ELAVL2: variants seen among roughly 807,000 people sequenced by gnomAD.
ELAVL2 encodes ELAV-like protein 2.
A neutral mutation model predicts 34.6 loss-of-function variants in ELAVL2; 4 were observed. That is an observed-to-expected ratio of 0.12 (90% confidence interval 0.06 to 0.26). The LOEUF is 0.26. Ranked by LOEUF, ELAVL2 falls within the 10% of genes least tolerant of loss-of-function variation. The probability of loss-of-function intolerance (pLI) is 1.00; values close to 1 mark genes in which losing one functional copy is unlikely to be tolerated. For synonymous variants in ELAVL2, 193 were observed against 154.8 expected, an observed-to-expected ratio of 1.25 and a Z score of -1.83; for missense variants, 432 against 442.8, an observed-to-expected ratio of 0.98 and a Z score of 0.22.
At chr9:23,774,098 C>G (rs938878010) in intron 1 of ELAVL2, among the ~76,000 whole-genome samples, 3 of 150,882 alleles carry the variant, frequency 2.0e-5, no homozygotes, top group Non-Finnish European at 4.4e-5. Context: ...GTAGTCCCAG[C>G]TACACGGGAG....
At chr9:23,749,273 A>C (rs535313802) in intron 2 of ELAVL2, among the ~76,000 whole-genome samples, 1 of 152,292 alleles carries the variant, frequency 6.6e-6, no homozygotes, top group East Asian at 1.9e-4. Context: ...ATCCAGGATT[A>C]GTTAACTAGT....
At chr9:23,804,228 C>A (rs1461557851) in intron 1 of ELAVL2, among the ~76,000 whole-genome samples, 4 of 150,766 alleles carry the variant, frequency 2.7e-5, no homozygotes, top group Non-Finnish European at 5.9e-5. Context: ...GGCAGGAGTG[C>A]AATGGCATGA....
the ELAVL2 span, among the ~76,000 whole-genome samples, chr9:23,834,120 A>G: frequency 6.6e-6 from 1 of 152,008 alleles, no homozygotes; most frequent in African/African-American, 2.4e-5. Context: ...ATCAGATTAT[A>G]TTTTACGAAA....
intron 3 of ELAVL2, among the ~76,000 whole-genome samples, chr9:23,724,795 G>A (rs2044651514): frequency 6.6e-6 from 1 of 152,054 alleles, no homozygotes; most frequent in Non-Finnish European, 1.5e-5. Flanking sequence ...TACTCGGTCA[G>A]TCTGTATTTT....
chr9:23,786,781 CAAAAAAAAAA>C (rs57292061), intron 1 of ELAVL2, among the ~76,000 whole-genome samples: 4 of 108,142 alleles, frequency 3.7e-5, no homozygotes, highest in Non-Finnish European at 5.7e-5. Flanking sequence ...ATTTTAGTGG[CAAAAAAAAAA>C]AAAAAAAAAA....
At chr9:23,810,087 C>T (rs1554763893) in intron 1 of ELAVL2, among the ~76,000 whole-genome samples, 1 of 152,054 alleles carries the variant, frequency 6.6e-6, no homozygotes, top group Non-Finnish European at 1.5e-5. Context: ...TTATCTACTA[C>T]AATGAGCCAG....
chr9:23,787,806 A>G (rs1167751977), intron 1 of ELAVL2, among the ~76,000 whole-genome samples: 1 of 152,176 alleles, frequency 6.6e-6, no homozygotes, highest in Non-Finnish European at 1.5e-5. Flanking sequence ...CCACTGTAAA[A>G]GACTTTTGTA....
chr9:23,767,845 G>C (rs549963404), intron 1 of ELAVL2, among the ~76,000 whole-genome samples: 1 of 152,084 alleles, frequency 6.6e-6, no homozygotes, highest in African/African-American at 2.4e-5. Flanking sequence ...ATAATGTTGC[G>C]AGGAGGGAAA....
At chr9:23,811,391 C>T (rs1415571591) in intron 1 of ELAVL2, among the ~76,000 whole-genome samples, 1 of 151,842 alleles carries the variant, frequency 6.6e-6, no homozygotes, top group African/African-American at 2.4e-5. Flanking sequence ...AAAGCAGTGG[C>T]CAGGCCTCAG....
At chr9:23,796,577 T>A (rs1324786525) in intron 1 of ELAVL2, among the ~76,000 whole-genome samples, 1 of 152,264 alleles carries the variant, frequency 6.6e-6, no homozygotes, top group Non-Finnish European at 1.5e-5. Flanking sequence ...TTAGTCATTA[T>A]GATCCAAAGA....
In ELAVL2 at chr9:23,691,190, C is replaced by T. The variant is rs369019141; in HGVS notation, c.*1367G>A. On this transcript the variant is annotated 3_prime_UTR_variant, in exon 7 of 7. Coordinates refer to ENST00000397312, the MANE Select transcript of ELAVL2 (RefSeq NM_004432.5). ...AAGACCTCAAGTAACAATGTTAATG[C>T]CATTTACAAAGGAAAAAACTGATAC... The T allele has an allele frequency of 6.6e-6, 1 of 152,422 alleles. No homozygotes were observed. The highest frequency in any genetic ancestry group is 1.5e-5 in the Non-Finnish European group (1 of 67,972). The allele number at this position is 152,422 out of a possible 1,614,324, so 9.4% of individuals were successfully genotyped here. A position where few individuals can be genotyped will look rare whatever the true frequency, so the allele number is the denominator to read the frequency against.
chr9:23,850,219 A>AACC, the ELAVL2 span, among the ~76,000 whole-genome samples: 29 of 150,868 alleles, frequency 1.9e-4, no homozygotes, highest in East Asian at 2.6e-3. Context: ...ACTGGCTTAA[A>AACC]ACCACCACCA....
At chr9:23,696,056 A>C (rs548939182) in intron 5 of ELAVL2, among the ~76,000 whole-genome samples, 2 of 152,258 alleles carry the variant, frequency 1.3e-5, no homozygotes, top group African/African-American at 4.8e-5. Context: ...CATGATCTTC[A>C]CTGATTCCTT....
At chr9:23,756,588 G>T (rs1378327774) in intron 2 of ELAVL2, among the ~76,000 whole-genome samples, 1 of 151,942 alleles carries the variant, frequency 6.6e-6, no homozygotes, top group Non-Finnish European at 1.5e-5. Context: ...GCTCGCACAC[G>T]TGCTTTCAGC....
intron 2 of ELAVL2, among the ~76,000 whole-genome samples, chr9:23,739,848 A>G (rs2048748491): frequency 6.6e-6 from 1 of 152,028 alleles, no homozygotes; most frequent in Non-Finnish European, 1.5e-5. Flanking sequence ...CAGCTTCTTA[A>G]TGTGTTTTTC....
intron 3 of ELAVL2, 66 bp downstream of exon 3, chr9:23,730,956 A>T: frequency 2.1e-6 from 3 of 1,434,936 alleles, no homozygotes; most frequent in Non-Finnish European, 2.9e-6. Context: ...GGAAAGAACT[A>T]CAAATAAATC....
At chr9:23,838,304 A>G in the ELAVL2 span, among the ~76,000 whole-genome samples, 182 of 152,182 alleles carry the variant, frequency 1.2e-3, no homozygotes, top group African/African-American at 4.2e-3. Flanking sequence ...TGTTTCAGAA[A>G]GAAAAAACTC....
chr9:23,785,169 A>C (rs139308674), intron 1 of ELAVL2, among the ~76,000 whole-genome samples: 3 of 152,202 alleles, frequency 2.0e-5, no homozygotes, highest in African/African-American at 7.2e-5. Context: ...AGAAGTACAT[A>C]TATCAAGGAA....
At chr9:23,693,376 A>G (rs2033903364) in intron 6 of ELAVL2, 72 bp downstream of exon 6, 2 of 1,570,506 alleles carry the variant, frequency 1.3e-6, no homozygotes, top group Non-Finnish European at 1.8e-6. Context: ...GGGTGTGAAT[A>G]GCACTCCCAA....
Sources: gnomAD v4.1 joint callset for allele counts (sites outside exome capture counted in the v4.1 genomes callset) on GRCh38, gnomAD v4.1.1 for gene constraint, MANE v1.5 for transcripts, NCBI Gene and HGNC (gene_info 2026-07-23, HGNC 2026-07-21) for gene names.